Variants in GPD2 observed in about 807,000 individuals in gnomAD.
GPD2 encodes glycerol-3-phosphate dehydrogenase 2, also known as glycerol-3-phosphate dehydrogenase, mitochondrial.
Under a neutral mutation model 82.4 loss-of-function variants are expected in GPD2, and 54 were observed. The ratio of observed to expected loss-of-function variants is 0.66; its 90% confidence interval spans 0.53 to 0.82. The LOEUF (loss-of-function observed/expected upper bound fraction) is 0.82. Among genes scored for constraint, GPD2 ranks in the 40% least tolerant of loss-of-function variants. The pLI is 0.00. For missense variants in GPD2, 748 were observed against 896.2 expected, an observed-to-expected ratio of 0.83 and a Z score of 2.11; for synonymous variants, 288 against 306.1, an observed-to-expected ratio of 0.94 and a Z score of 0.62.
At chr2:156,402,286 G>C in the GPD2 span, among the ~76,000 whole-genome samples, 3 of 152,140 alleles carry the variant, frequency 2.0e-5, no homozygotes, top group Non-Finnish European at 4.4e-5. Flanking sequence ...ATCATAAAAG[G>C]CTACTGAAAT....
At chr2:156,477,780 T>G (rs2105205138) in intron 2 of GPD2, among the ~76,000 whole-genome samples, 1 of 152,366 alleles carries the variant, frequency 6.6e-6, no homozygotes, top group South Asian at 2.1e-4. Context: ...TTGATCATGC[T>G]TGATGTACTA....
At chr2:156,444,432 G>A (rs1264710410) in intron 1 of GPD2, among the ~76,000 whole-genome samples, 1 of 152,098 alleles carries the variant, frequency 6.6e-6, no homozygotes, top group Non-Finnish European at 1.5e-5. Context: ...TATAGATTCC[G>A]CAGGGGGCAG....
chr2:156,452,518 CAGAGGGAGACCATGGAAAGAGAGGG>C (rs1026581500), intron 1 of GPD2, among the ~76,000 whole-genome samples: 11 of 152,250 alleles, frequency 7.2e-5, no homozygotes, highest in South Asian at 4.1e-4. Flanking sequence ...GGCTCGGCAT[CAGAGGGAGACCATGGAAAGAGAGGG>C]AGAGGGAGAC....
intron 2 of GPD2, 114 bp from the exon 3 acceptor site, chr2:156,495,930 C>A: frequency 1.3e-6 from 1 of 771,882 alleles, no homozygotes; most frequent in Non-Finnish European, 2.2e-6. Context: ...ACTGTGGACT[C>A]TCTTTAGCTC....
intron 9 of GPD2, among the ~76,000 whole-genome samples, chr2:156,559,522 C>G (rs1687090962): frequency 6.6e-6 from 1 of 152,002 alleles, no homozygotes; most frequent in Non-Finnish European, 1.5e-5. Context: ...TCCTTTTTCC[C>G]CAAAGGATTT....
intron 6 of GPD2, among the ~76,000 whole-genome samples, chr2:156,529,842 C>G (rs940122393): frequency 1.3e-5 from 2 of 152,046 alleles, no homozygotes; most frequent in African/African-American, 4.8e-5. Flanking sequence ...GTTACTGTAG[C>G]CTTGTAGTAT....
intron 2 of GPD2, among the ~76,000 whole-genome samples, chr2:156,481,490 A>C (rs1683729899): frequency 6.7e-6 from 1 of 150,206 alleles, no homozygotes; most frequent in South Asian, 2.1e-4. Context: ...TAATACCAAC[A>C]GTTCTACTCT....
Position 156,578,898 on chromosome 2 carries a change from G to C in GPD2, c.1777G>C (p.Glu593Gln). The C allele has an allele frequency of 6.3e-7, 1 of 1,588,212 alleles. No individual in the cohort carries two copies. The highest frequency in any genetic ancestry group is 8.6e-7 in the Non-Finnish European group (1 of 1,157,274). ...WDDYKKQEQLETARKFLYYEM... is the reference protein window; with the variant it reads ...WDDYKKQEQLQTARKFLYYEM... ...TGTATCTCTGTTTTAGGAACAACTT[G>C]AAACAGCCAGGAAGTTTCTATATTA... is the stretch of plus-strand genomic sequence containing the variant. Residue 593 changes from glutamate to glutamine, a missense_variant, in exon 14 of 17, where the codon GAA becomes CAA. Around this residue, in one of 3 missense-constraint regions of GPD2, gnomAD observed 692 missense variants for 809.7 expected, o/e 0.85. Transcript: ENST00000438166.
At chr2:156,555,022 G>A (rs1407691345) in intron 8 of GPD2, among the ~76,000 whole-genome samples, 5 of 152,186 alleles carry the variant, frequency 3.3e-5, no homozygotes, top group Admixed American at 6.5e-5. Flanking sequence ...GTTGCATTGC[G>A]TATACTATCG....
intron 1 of GPD2, among the ~76,000 whole-genome samples, chr2:156,439,074 A>G (rs190469608): frequency 3.0e-4 from 46 of 152,358 alleles, no homozygotes; most frequent in Non-Finnish European, 5.6e-4. Context: ...AATGTTTGCT[A>G]TTGTGTACTT....
At chr2:156,504,512 T>A (rs570710560) in intron 3 of GPD2, among the ~76,000 whole-genome samples, 1 of 152,108 alleles carries the variant, frequency 6.6e-6, no homozygotes, top group South Asian at 2.1e-4. Flanking sequence ...TATCTTGGTG[T>A]CTCTGATACT....
At position 156,512,178 on chromosome 2, in the gene GPD2, A is replaced by T. The variant is rs777507245; in HGVS notation, c.400-42A>T. 5.3e-6 allele frequency: 5 copies of T among 935,138 alleles called. No individual in the cohort carries two copies. The South Asian group carries it at 6.4e-5, about 12-fold the overall frequency. The allele number at this position is 935,138 out of a possible 1,614,324, so 57.9% of individuals were successfully genotyped here. Reference sequence around the variant, plus strand: ...CTATTTGCCATTTGAAAATATTATGATCTGTTACTGCCAAACTAATTTTCT... The same window carrying T: ...CTATTTGCCATTTGAAAATATTATGTTCTGTTACTGCCAAACTAATTTTCT... On this transcript the variant is annotated intron_variant, in intron 4 of 16. Transcript: ENST00000438166.
chr2:156,560,962 C>G (rs948570106), intron 9 of GPD2, among the ~76,000 whole-genome samples: 2 of 150,622 alleles, frequency 1.3e-5, no homozygotes, highest in African/African-American at 4.9e-5. Flanking sequence ...ATCTTTGATT[C>G]CTCCTTAACA....
intron 16 of GPD2, among the ~76,000 whole-genome samples, chr2:156,582,418 T>C (rs897562792): frequency 1.3e-5 from 2 of 151,824 alleles, no homozygotes; most frequent in Non-Finnish European, 2.9e-5. Context: ...GGTTTGTCTT[T>C]GTTCAATCCC....
At chr2:156,478,499 CA>C (rs1364668952) in intron 2 of GPD2, among the ~76,000 whole-genome samples, 1 of 151,372 alleles carries the variant, frequency 6.6e-6, no homozygotes, top group Non-Finnish European at 1.5e-5. Context: ...TAGGGACTGG[CA>C]AAAAATAATA....
intron 6 of GPD2, among the ~76,000 whole-genome samples, chr2:156,547,863 T>A (rs1686607334): frequency 6.6e-6 from 1 of 152,230 alleles, no homozygotes; most frequent in African/African-American, 2.4e-5. Flanking sequence ...TAAATGGAAT[T>A]TCTGCCTGGT....
upstream of GPD2, among the ~76,000 whole-genome samples, chr2:156,433,387 C>A (rs1688341209): frequency 1.3e-5 from 2 of 152,120 alleles, no homozygotes; most frequent in South Asian, 4.1e-4. Flanking sequence ...CAGCTGGTAC[C>A]ACCTAGATCA....
rs1312610208 is a variant in GPD2 at position 156,579,074 on chromosome 2, C to T, written c.1881-12C>T. On this transcript the variant is annotated splice_polypyrimidine_tract_variant and intron_variant, in intron 14 of 16. Coordinates refer to ENST00000438166, the MANE Select transcript of GPD2 (RefSeq NM_000408.5). The stretch of plus-strand genomic sequence containing the variant: ...TAAGTATATTTTTCCATTATTTAAT[C>T]TTGTGTTCCAGGTATAAGAAGAGAT... The T allele has an allele frequency of 1.3e-6, 2 of 1,585,754 alleles. No homozygotes were observed. The highest frequency in any genetic ancestry group is 1.1e-5 in the South Asian group (1 of 90,460).
intron 3 of GPD2, among the ~76,000 whole-genome samples, chr2:156,506,763 C>T (rs116045305): frequency 1.3e-5 from 2 of 152,254 alleles, no homozygotes; most frequent in African/African-American, 2.4e-5. Flanking sequence ...ACCCCTCATT[C>T]CTGCAGTCAG....
Sources: gnomAD v4.1 joint callset for allele counts (sites outside exome capture counted in the v4.1 genomes callset) on GRCh38, gnomAD v4.1.1 for gene constraint, gnomAD v4.1.1 regional missense constraint, MANE v1.5 for transcripts, NCBI Gene and HGNC (gene_info 2026-07-23, HGNC 2026-07-21) for gene names.